Variants in HS6ST2 observed in about 807,000 individuals in gnomAD.
HS6ST2 encodes heparan sulfate 6-O-sulfotransferase 2.
A neutral mutation model predicts 33.0 loss-of-function variants in HS6ST2; 17 were observed. The ratio of observed to expected loss-of-function variants is 0.52; its 90% CI spans 0.35 to 0.77. The LOEUF (loss-of-function observed/expected upper bound fraction) is 0.77. HS6ST2 is among the 30% of genes least tolerant of loss of function. The pLI is 0.01. For missense variants in HS6ST2, 519 were observed against 551.7 expected (o/e 0.94, Z 0.59); for synonymous variants, 248 against 237.1 (o/e 1.05, Z -0.42).
chrX:132,740,892 A>G (rs1569485547), intron 2 of HS6ST2, among the ~76,000 whole-genome samples: 1 of 111,938 alleles, frequency 8.9e-6, no homozygotes, highest in Non-Finnish European at 1.9e-5. Context: ...ATGAAAAGCA[A>G]GGAGTATATA....
intron 2 of HS6ST2, among the ~76,000 whole-genome samples, chrX:132,891,198 G>A (rs995649623): frequency 6.5e-5 from 7 of 108,197 alleles, no homozygotes; most frequent in Non-Finnish European, 1.3e-4. Context: ...TGAATCTCCC[G>A]AAGCACATTC....
chrX:132,886,831 G>A, intron 2 of HS6ST2, among the ~76,000 whole-genome samples: 1 of 111,484 alleles, frequency 9.0e-6, no homozygotes, highest in Non-Finnish European at 1.9e-5. Context: ...AGGTAGTGGA[G>A]TAACATTCAA....
intron 2 of HS6ST2, among the ~76,000 whole-genome samples, chrX:132,810,408 AGAAGGAAG>A (rs10538975): frequency 9.5e-6 from 1 of 105,386 alleles, no homozygotes; most frequent in Non-Finnish European, 1.9e-5. Flanking sequence ...TGAGAAAGAA[AGAAGGAAG>A]GAAGGAAGGA....
At chrX:132,884,516 A>G (rs2066225712) in intron 2 of HS6ST2, among the ~76,000 whole-genome samples, 1 of 112,017 alleles carries the variant, frequency 8.9e-6, no homozygotes, top group East Asian at 2.8e-4. Flanking sequence ...AAAAATGACT[A>G]TTCCACAAGA....
At chrX:132,637,785 ATTT>A (rs1285805433) in intron 4 of HS6ST2, among the ~76,000 whole-genome samples, 1 of 60,824 alleles carries the variant, frequency 1.6e-5, no homozygotes, top group Non-Finnish European at 2.7e-5. Flanking sequence ...TATATATAAT[ATTT>A]TATATATATA....
chrX:132,908,991 GAAA>G (rs397975321), intron 2 of HS6ST2, among the ~76,000 whole-genome samples: 1 of 40,854 alleles, frequency 2.4e-5, no homozygotes, highest in African/African-American at 9.3e-5. Context: ...GAACTCCACT[GAAA>G]AAAAAAAAAA....
At chrX:132,724,273 CA>C (rs1482252951) in intron 2 of HS6ST2, among the ~76,000 whole-genome samples, 2 of 112,174 alleles carry the variant, frequency 1.8e-5, no homozygotes, top group Admixed American at 1.9e-4. Context: ...AAGACTCCAC[CA>C]AAAAACTATT....
At chrX:132,886,054 T>C (rs2066248266) in intron 2 of HS6ST2, among the ~76,000 whole-genome samples, 1 of 111,499 alleles carries the variant, frequency 9.0e-6, no homozygotes, top group South Asian at 3.7e-4. Flanking sequence ...AAAAGTGAGA[T>C]GTGCTCAGGA....
intron 4 of HS6ST2, among the ~76,000 whole-genome samples, chrX:132,668,595 A>G (rs992164315): frequency 1.8e-5 from 2 of 111,693 alleles, no homozygotes; most frequent in Non-Finnish European, 3.8e-5. Context: ...CTTGGTGCAT[A>G]TTAGTTACTA....
intron 2 of HS6ST2, among the ~76,000 whole-genome samples, chrX:132,910,141 G>A (rs912303399): frequency 1.8e-5 from 2 of 112,090 alleles, no homozygotes; most frequent in African/African-American, 6.5e-5. Context: ...ACCTTATAAT[G>A]AGAACATTTT....
At chrX:132,906,478 C>T (rs1370887567) in intron 2 of HS6ST2, among the ~76,000 whole-genome samples, 1 of 111,163 alleles carries the variant, frequency 9.0e-6, no homozygotes, top group African/African-American at 3.3e-5. Context: ...TTTCTCAATT[C>T]TCATATTATT....
chrX:132,703,454 A>G (rs1214637429), intron 3 of HS6ST2, among the ~76,000 whole-genome samples: 1 of 112,711 alleles, frequency 8.9e-6, no homozygotes, highest in Non-Finnish European at 1.9e-5. Context: ...TAGTAGCTCA[A>G]ACAGGAGTGA....
At chrX:132,666,627 G>A (rs1036308506) in intron 4 of HS6ST2, among the ~76,000 whole-genome samples, 1 of 110,964 alleles carries the variant, frequency 9.0e-6, no homozygotes, top group African/African-American at 3.3e-5. Context: ...AGGTTGGCCC[G>A]TAACACTCAG....
intron 2 of HS6ST2, among the ~76,000 whole-genome samples, chrX:132,836,906 G>A (rs1395352249): frequency 8.9e-6 from 1 of 111,849 alleles, no homozygotes; most frequent in Non-Finnish European, 1.9e-5. Context: ...AACAGGGAAT[G>A]TATATTCATT....
At chrX:132,784,107 A>C (rs1167891881) in intron 2 of HS6ST2, among the ~76,000 whole-genome samples, 1 of 111,130 alleles carries the variant, frequency 9.0e-6, no homozygotes, top group African/African-American at 3.3e-5. Context: ...TCTCCCTCTA[A>C]GTTGCAAGCG....
rs1344013663 is a variant in HS6ST2, at chrX:132,919,342, T to C, written c.947+37466A>G. Among the ~76,000 whole-genome samples, 18 of 112,333 alleles carry C rather than the reference T, an allele frequency of 1.6e-4. No individual in the cohort carries two copies. The Admixed American group carries it at 1.7e-3, about 11-fold the overall frequency. On this transcript the variant is annotated intron_variant, in intron 2 of 4. Coordinates refer to ENST00000370833, the MANE Select transcript of HS6ST2 (RefSeq NM_001394073.1). ...ATAAAGTCACATAAACTCTCTGCTC[T>C]GAATGGGTCAATTTCCATGATAAAA...
chrX:132,690,951 G>A (rs1247129786), intron 3 of HS6ST2, among the ~76,000 whole-genome samples: 2 of 111,687 alleles, frequency 1.8e-5, no homozygotes, highest in Non-Finnish European at 3.8e-5. Flanking sequence ...ATGGTGAAAA[G>A]CACTATGCAG....
chrX:132,925,004 C>T (rs1316953489), intron 2 of HS6ST2, among the ~76,000 whole-genome samples: 3 of 111,065 alleles, frequency 2.7e-5, no homozygotes, highest in Non-Finnish European at 5.7e-5. Flanking sequence ...TTACTTGAAC[C>T]CAGGAGGCAG....
intron 3 of HS6ST2, 38 bp from the exon 4 acceptor site, chrX:132,669,237 A>G: frequency 8.9e-7 from 1 of 1,127,198 alleles, no homozygotes; most frequent in African/African-American, 1.8e-5. Context: ...TATACACAAC[A>G]AGGACCACAG....
Sources: allele counts gnomAD v4.1 joint callset (sites outside exome capture counted in the v4.1 genomes callset), GRCh38; gene constraint gnomAD v4.1.1; transcripts MANE v1.5; gene names NCBI Gene and HGNC (gene_info 2026-07-23, HGNC 2026-07-21).